Variants in ZNF888 observed in about 807,000 individuals in gnomAD.
ZNF888 encodes the protein zinc finger protein 888.
Under a neutral mutation model 7.2 loss-of-function variants are expected in ZNF888, and 5 were observed. That is an observed-to-expected ratio of 0.70 (90% confidence interval 0.36 to 1.46). The LOEUF is 1.46. ZNF888 is among the 40% of genes most tolerant of loss of function. The pLI, the probability that ZNF888 is intolerant of heterozygous loss-of-function variation, is 0.03. For synonymous variants in ZNF888, 240 were observed against 284.3 expected (o/e 0.84, Z 1.57); for missense variants, 716 against 858.0 (o/e 0.83, Z 2.07).
chr19:52,911,137 C>T (rs2064672900), intron 4 of ZNF888, among the ~76,000 whole-genome samples: 2 of 152,038 alleles, frequency 1.3e-5, no homozygotes, highest in Admixed American at 1.3e-4. Flanking sequence ...TCTCAGCCTC[C>T]CAAAGTGCTG....
chr19:52,906,186 A>G lies in ZNF888; in HGVS notation c.2136T>C (p.His712=). 2 of 1,611,644 alleles carry G rather than the reference A, an allele frequency of 1.2e-6. No individual in the cohort carries two copies. Among genetic ancestry groups the G allele is most frequent in the South Asian group, 1.1e-5 (1 of 90,774 alleles). ...QSTLIHHQAI[H]GVGKLD is the part of the protein sequence containing the mutation. The stretch of plus-strand genomic sequence containing the variant: ...TACATTAGTCAAGTTTCCCTACACC[A>G]TGGATTGCCTGATGGTGAATAAGTG... Residue 712 remains histidine (H), a synonymous_variant, in exon 5 of 5, where the codon CAT becomes CAC. Transcript: ENST00000638862.
chr19:52,906,468 T>C lies in ZNF888; in HGVS notation c.1854A>G (p.Lys618=). 1 of 1,613,302 alleles carries C rather than the reference T, an allele frequency of 6.2e-7. No homozygotes were observed. Among genetic ancestry groups the C allele is most frequent in the Non-Finnish European group, 8.5e-7 (1 of 1,179,632 alleles). Reference sequence around the variant, plus strand: ...CTCTCCTATGTATTTCAAGGTGTGATTTGATATTGAAAACTTTGTCACATT... The same window carrying C: ...CTCTCCTATGTATTTCAAGGTGTGACTTGATATTGAAAACTTTGTCACATT... The part of the protein sequence containing the change: ...CEECDKVFNI[K]SHLEIHRRVH... Residue 618 remains lysine, a synonymous_variant, in exon 5 of 5, where the codon AAA becomes AAG. Coordinates refer to ENST00000638862, the MANE Select transcript of ZNF888 (RefSeq NM_001393938.1).
rs369007148 is a variant in ZNF888, at chr19:52,922,340, AT to A, written c.-178+1028del. On this transcript the variant is annotated intron_variant, in intron 1 of 4. Transcript: ENST00000638862. ...CTGGCCCCACTCTCTGGCACCCCAG[AT>A]TTCCCAGGTGTCCTCCCTGCTGTGG... Among the ~76,000 whole-genome samples the A allele has an allele frequency of 8.1e-3, 1,226 of 151,758 alleles. 13 individuals are homozygous for A. The highest frequency in any genetic ancestry group is 0.022 in the African/African-American group (914 of 41,358).
At chr19:52,916,506 A>ATG (rs1283357764) in intron 3 of ZNF888, among the ~76,000 whole-genome samples, 4 of 150,678 alleles carry the variant, frequency 2.7e-5, no homozygotes, top group African/African-American at 9.8e-5. Flanking sequence ...GTGTATGTAC[A>ATG]TGTGTGTGTG....
intron 2 of ZNF888, chr19:52,918,164 C>A: frequency 4.1e-6 from 4 of 985,384 alleles, no homozygotes; most frequent in Non-Finnish European, 4.8e-6. Context: ...GGAATGAGCT[C>A]CCCTTCAAGG....
rs558572705 is a variant in ZNF888, at chr19:52,909,509, A to G, written c.143-1330T>C. 1.2e-3 allele frequency among the ~76,000 whole-genome samples: 187 copies of G among 152,112 alleles called. 1 individual carries two copies. In the Middle Eastern group the frequency reaches 0.024, roughly 19 times the overall value. Reference sequence around the variant, plus strand: ...GTGACCCACATGTCTCAGCCTCCTAAATCCTGGGATTACAGGCATGAGCCA... The same window carrying G: ...GTGACCCACATGTCTCAGCCTCCTAGATCCTGGGATTACAGGCATGAGCCA... On this transcript the variant is annotated intron_variant, in intron 4 of 4. Transcript: ENST00000638862.
At chr19:52,916,812 G>C (rs538323249) in intron 3 of ZNF888, among the ~76,000 whole-genome samples, 1 of 151,682 alleles carries the variant, frequency 6.6e-6, no homozygotes, top group Non-Finnish European at 1.5e-5. Context: ...TGCCTGGCCT[G>C]GAGGATGAAG....
In ZNF888 at chr19:52,907,008, G is replaced by C. The variant is rs2064617631; in HGVS notation, c.1314C>G (p.Tyr438Ter). The change falls in exon 5 of 5, where the codon TAC becomes TAG. Residue 438 changes from tyrosine (Y) to a stop codon, truncating the protein, a stop_gained. Transcript: ENST00000638862. LOFTEE classifies it low-confidence loss of function (END_TRUNC). ...HKTIHTGEKP[Y>*]KCNECGKVFN... ...AAACCTTGCCACATTCATTACACTT[G>C]TAAGGTTTCTCTCCAGTATGAATTG... 2 of 1,613,032 alleles carry C rather than the reference G, an allele frequency of 1.2e-6. No individual in the cohort carries two copies. The highest frequency in any genetic ancestry group is 2.7e-5 in the African/African-American group (2 of 74,582).
At chr19:52,922,320 C>T (rs778302920) in intron 1 of ZNF888, among the ~76,000 whole-genome samples, 61 of 152,034 alleles carry the variant, frequency 4.0e-4, no homozygotes, top group Non-Finnish European at 6.6e-4. Flanking sequence ...CCCCCCTGGC[C>T]CCACTCTCTG....
chr19:52,913,038 T>C lies in ZNF888; in HGVS notation c.142+2158A>G, dbSNP rs140162550. Among the ~76,000 whole-genome samples, 533 of 152,180 alleles carry C rather than the reference T, an allele frequency of 3.5e-3. 4 individuals are homozygous for C. Among genetic ancestry groups the C allele is most frequent in the African/African-American group, 0.012 (509 of 41,508 alleles). ...AGGAGAATTGCTTGAACCCGGGAGA[T>C]GGAGGTTGTAGTGAGCCAAGATCGC... On this transcript the variant is annotated intron_variant, in intron 4 of 4. Transcript: ENST00000638862.
chr19:52,907,499 A>G lies in ZNF888; in HGVS notation c.823T>C (p.Cys275Arg), dbSNP rs2064624817. The G allele has an allele frequency of 1.9e-6, 3 of 1,605,380 alleles. No individual in the cohort carries two copies. The highest frequency in any genetic ancestry group is 2.5e-6 in the Non-Finnish European group (3 of 1,176,542). Reference sequence around the variant, plus strand: ...GCTTTTTTATTAAAAACCTTGCCACATTTATTACACATGTAAGGTTTCTCA... The same window carrying G: ...GCTTTTTTATTAAAAACCTTGCCACGTTTATTACACATGTAAGGTTTCTCA... Reference protein sequence around the residue: ...TGEKPYMCNKCGKVFNKKAYL... With the variant: ...TGEKPYMCNKRGKVFNKKAYL... The change falls in exon 5 of 5, where the codon TGT (cysteine) becomes CGT (arginine). Residue 275 changes from cysteine (C) to arginine (R), a missense_variant. Cys to Arg is a radical substitution (Grantham distance 180). Coordinates refer to ENST00000638862, the MANE Select transcript of ZNF888 (RefSeq NM_001393938.1).
Position 52,905,743 on chromosome 19 carries a change from G to A in ZNF888, c.*422C>T. ...TGCTTGATGGTTTGCTATACTCATTGCATTCGGAACTATTATCTCAAAAAT... is the reference window on the plus strand; with the variant it reads ...TGCTTGATGGTTTGCTATACTCATTACATTCGGAACTATTATCTCAAAAAT... On this transcript the variant is annotated 3_prime_UTR_variant, in exon 5 of 5. Coordinates refer to ENST00000638862, the MANE Select transcript of ZNF888 (RefSeq NM_001393938.1). The A allele has an allele frequency of 2.0e-6, 1 of 512,112 alleles. No individual in the cohort carries two copies. The highest frequency in any genetic ancestry group is 4.0e-6 in the Non-Finnish European group (1 of 252,654). The allele number at this position is 512,112 out of a possible 1,614,324, so 31.7% of individuals were successfully genotyped here.
chr19:52,909,986 A>AC (rs377478760), intron 4 of ZNF888, among the ~76,000 whole-genome samples: 4 of 151,950 alleles, frequency 2.6e-5, no homozygotes, highest in African/African-American at 7.2e-5. Context: ...ACATGGTGAA[A>AC]CCCCGTCTCA....
At chr19:52,910,149 CAAAAAAAAAAAAAAAAAA>C (rs71335690) in intron 4 of ZNF888, among the ~76,000 whole-genome samples, 33 of 83,944 alleles carry the variant, frequency 3.9e-4, no homozygotes, top group South Asian at 9.4e-4. Flanking sequence ...GACTTCGTCT[CAAAAAAAAAAAAAAAAAA>C]AAAAAAAAAA....
rs1269444496 is a variant in ZNF888 at position 52,917,874 on chromosome 19, C to T, written c.-1G>A. 1.9e-6 allele frequency: 3 copies of T among 1,612,980 alleles called. No homozygotes were observed. The highest frequency in any genetic ancestry group is 2.2e-5 in the East Asian group (1 of 44,886). On this transcript the variant is annotated 5_prime_UTR_variant, in exon 3 of 5. Transcript: ENST00000638862. The stretch of plus-strand genomic sequence containing the variant: ...ATCATCTCACCTGAGGAAGAGCCAT[C>T]CCTGACTCCTTTGCTTTCCTCTTCC...
Position 52,920,581 on chromosome 19 carries a change from G to A in ZNF888, c.-177-1644C>T, listed in dbSNP as rs1201538078. ...ATTTGTCACTTACTGTCTCTCTAAG[G>A]GCAGCCATTGTAAGACCTCAAAGAA... On this transcript the variant is annotated intron_variant, in intron 1 of 4. Transcript: ENST00000638862. Among the ~76,000 whole-genome samples the A allele has an allele frequency of 5.2e-5, 3 of 57,408 alleles. 1 individual carries two copies. Among genetic ancestry groups the A allele is most frequent in the South Asian group, 1.2e-3 (2 of 1,716 alleles). 37.7% of individuals were successfully genotyped at this position (57,408 alleles called of 152,430 possible).
chr19:52,922,478 C>T (rs1568424604), intron 1 of ZNF888, among the ~76,000 whole-genome samples: 1 of 151,946 alleles, frequency 6.6e-6, no homozygotes, highest in Non-Finnish European at 1.5e-5. Context: ...TGCCCCTCTC[C>T]CTACCTTGCT....
At chr19:52,921,538 C>G (rs2147941556) in intron 1 of ZNF888, 1 of 458,552 alleles carries the variant, frequency 2.2e-6, no homozygotes, top group Admixed American at 6.4e-5. Context: ...ATTAGAGAAG[C>G]ATCTTTCACA....
rs562220440 is a variant in ZNF888 at position 52,911,933 on chromosome 19, C to A, written c.142+3263G>T. Among the ~76,000 whole-genome samples, 9 of 151,984 alleles carry A rather than the reference C, an allele frequency of 5.9e-5. No individual in the cohort carries two copies. In the South Asian group the frequency reaches 1.9e-3, roughly 32 times the overall value. ...TTGGGTTCAGGCCATTCTCCTGCCT[C>A]AGCCTCCCAGGTTGCTGGGACTACA... On this transcript the variant is annotated intron_variant, in intron 4 of 4. Coordinates refer to ENST00000638862, the MANE Select transcript of ZNF888 (RefSeq NM_001393938.1).
Sources: allele counts gnomAD v4.1 joint callset (sites outside exome capture counted in the v4.1 genomes callset), GRCh38; gene constraint gnomAD v4.1.1; transcripts MANE v1.5; gene names NCBI Gene and HGNC (gene_info 2026-07-23, HGNC 2026-07-21).